PIK3R4: variants seen among roughly 807,000 people sequenced by gnomAD.
PIK3R4 encodes the protein phosphoinositide 3-kinase regulatory subunit 4.
In PIK3R4, 46 loss-of-function variants were observed where a neutral mutation model predicts 136.5. The ratio of observed to expected loss-of-function variants is 0.34; its 90% CI spans 0.27 to 0.43. The LOEUF (loss-of-function observed/expected upper bound fraction) is 0.43. PIK3R4 is among the 20% of genes least tolerant of loss of function. The probability of loss-of-function intolerance (pLI) is 1.00; values close to 1 mark genes in which losing one functional copy is unlikely to be tolerated. For synonymous variants in PIK3R4, 557 were observed against 566.7 expected, an observed-to-expected ratio of 0.98 and a Z score of 0.24; for missense variants, 1,331 against 1,649.5, an observed-to-expected ratio of 0.81 and a Z score of 3.35.
intron 13 of PIK3R4, among the ~76,000 whole-genome samples, chr3:130,699,274 G>C (rs546463693): frequency 6.6e-6 from 1 of 152,320 alleles, no homozygotes; most frequent in Admixed American, 6.5e-5. Context: ...TGCCCTGTGA[G>C]TAAGAGTTTT....
rs185048625 is a variant in PIK3R4 at position 130,738,666 on chromosome 3, A to G, written c.734-2664T>C. ...TAAGGCAGGGTAAGTACGGTATCTT[A>G]TATCAAAAAGTAAAGAAATGCTTAA... On this transcript the variant is annotated intron_variant, in intron 2 of 19. Transcript: ENST00000356763. Among the ~76,000 whole-genome samples, 8 of 151,926 alleles carry G rather than the reference A, an allele frequency of 5.3e-5. No individual in the cohort carries two copies. The East Asian group carries it at 1.4e-3, about 26-fold the overall frequency.
At chr3:130,739,177 C>T (rs541938952) in intron 2 of PIK3R4, among the ~76,000 whole-genome samples, 2 of 152,282 alleles carry the variant, frequency 1.3e-5, no homozygotes, top group East Asian at 1.9e-4. Context: ...CCCTGGTTCA[C>T]GCCATTCTCC....
At chr3:130,707,815 A>C (rs921415278) in intron 10 of PIK3R4, among the ~76,000 whole-genome samples, 7 of 152,210 alleles carry the variant, frequency 4.6e-5, no homozygotes, top group Non-Finnish European at 8.8e-5. Context: ...AGATCTCAAG[A>C]CTACAAATGG....
At chr3:130,704,254 G>A (rs1043967999) in intron 12 of PIK3R4, among the ~76,000 whole-genome samples, 4 of 152,058 alleles carry the variant, frequency 2.6e-5, no homozygotes, top group African/African-American at 4.8e-5. Context: ...AATAAAATAC[G>A]TTACTCTAAG....
At chr3:130,680,579 A>G in intron 19 of PIK3R4, 34 bp downstream of exon 19, 1 of 1,198,824 alleles carries the variant, frequency 8.3e-7, no homozygotes. Flanking sequence ...GTTTGTGCTT[A>G]CAAAAGGTGA....
intron 5 of PIK3R4, 112 bp downstream of exon 5, chr3:130,730,189 CTAATATA>C: frequency 2.7e-6 from 2 of 750,012 alleles, no homozygotes; most frequent in Non-Finnish European, 4.3e-6. Context: ...CTCTTCCTAT[CTAATATA>C]TAGATCTGGT....
intron 13 of PIK3R4, among the ~76,000 whole-genome samples, chr3:130,695,690 T>C (rs1358818680): frequency 1.3e-5 from 2 of 152,184 alleles, no homozygotes; most frequent in African/African-American, 4.8e-5. Context: ...AAATATATTA[T>C]TGTAACTGTT....
chr3:130,690,648 A>C lies in PIK3R4; in HGVS notation c.3105T>G (p.Ile1035Met). 2.5e-6 allele frequency: 4 copies of C among 1,585,300 alleles called. No homozygotes were observed. Among genetic ancestry groups the C allele is most frequent in the Non-Finnish European group, 3.4e-6 (4 of 1,161,728 alleles). Residue 1035 changes from isoleucine to methionine, a missense_variant, in exon 14 of 20, where the codon ATT (isoleucine) becomes ATG (methionine). Coordinates refer to ENST00000356763, the MANE Select transcript of PIK3R4 (RefSeq NM_014602.3). ...GTCCTCCAATTCGGCTGTATGTAAG[A>C]ATAGATCTGAATGAAAGAAAAATAA... ...MEGKTTTTRS[I>M]LTYSRIGGRV...
intron 13 of PIK3R4, among the ~76,000 whole-genome samples, chr3:130,695,025 T>C (rs940625482): frequency 6.6e-6 from 1 of 152,162 alleles, no homozygotes; most frequent in African/African-American, 2.4e-5. Flanking sequence ...TGAGAGTTTG[T>C]TGAGATGACC....
chr3:130,746,566 GC>G lies in PIK3R4; in HGVS notation c.-296del, dbSNP rs1241963176. 6.6e-6 allele frequency: 1 copy of G among 152,242 alleles called. No homozygotes were observed. Among genetic ancestry groups the G allele is most frequent in the Non-Finnish European group, 1.5e-5 (1 of 68,122 alleles). 9.4% of individuals were successfully genotyped at this position (152,242 alleles called of 1,614,324 possible). On this transcript the variant is annotated 5_prime_UTR_variant, in exon 1 of 20. Coordinates refer to ENST00000356763, the MANE Select transcript of PIK3R4 (RefSeq NM_014602.3). The stretch of plus-strand genomic sequence containing the variant: ...GGTCTCAGCAGAGAGAAGAAGCCAC[GC>G]TAAAGAGTCTCCACAAGTACCCCGG...
chr3:130,726,401 G>C (rs765777689), intron 6 of PIK3R4, among the ~76,000 whole-genome samples: 79 of 152,152 alleles, frequency 5.2e-4, no homozygotes, highest in Non-Finnish European at 1.1e-3. Context: ...CCAACAACCA[G>C]TAAGACAGGC....
intron 9 of PIK3R4, among the ~76,000 whole-genome samples, chr3:130,711,405 C>A (rs988312667): frequency 1.3e-5 from 2 of 152,176 alleles, no homozygotes; most frequent in African/African-American, 4.8e-5. Flanking sequence ...TCAAGAGACA[C>A]ATCAGAGTTC....
rs11713582 is a variant in PIK3R4, at chr3:130,707,417, A to C, written c.2534-282T>G. Among the ~76,000 whole-genome samples the C allele has an allele frequency of 0.2, 29,784 of 151,982 alleles. 3,113 individuals are homozygous for C. The highest frequency in any genetic ancestry group is 0.35 in the South Asian group (1,697 of 4,808). The stretch of plus-strand genomic sequence containing the variant: ...GCCAGCTCAATTTCAAGTAACCACT[A>C]TATCTAGTGAATAGTAAGAAAATAG... On this transcript the variant is annotated intron_variant, in intron 10 of 19. Transcript: ENST00000356763.
chr3:130,732,398 C>T (rs1274493302), intron 4 of PIK3R4, among the ~76,000 whole-genome samples: 7 of 151,964 alleles, frequency 4.6e-5, no homozygotes, highest in African/African-American at 1.7e-4. Flanking sequence ...AAAGTAGGAT[C>T]ATAAAATTCT....
intron 15 of PIK3R4, 122 bp from the exon 16 acceptor site, chr3:130,684,503 TAAAA>T (rs570202185): frequency 1.5e-5 from 13 of 861,190 alleles, no homozygotes; most frequent in Non-Finnish European, 2.1e-5. Flanking sequence ...CTTCGTTACT[TAAAA>T]AAAAGTTTTG....
In PIK3R4 at chr3:130,728,445, T is replaced by C; in HGVS notation, c.1807+18A>G. 1 of 1,540,242 alleles carries C rather than the reference T, an allele frequency of 6.5e-7. No individual in the cohort carries two copies. The highest frequency in any genetic ancestry group is 8.9e-7 in the Non-Finnish European group (1 of 1,126,914). On this transcript the variant is annotated intron_variant, in intron 6 of 19. Coordinates refer to ENST00000356763, the MANE Select transcript of PIK3R4 (RefSeq NM_014602.3). ...GATGATTAAAAATCTTAAAGGAATT[T>C]AAAAGCAAAAAACATACCAACTATA...
intron 15 of PIK3R4, 52 bp downstream of exon 15, chr3:130,686,159 G>C (rs976221604): frequency 9.5e-7 from 1 of 1,054,372 alleles, no homozygotes; most frequent in Admixed American, 1.7e-5. Flanking sequence ...GACAGCAATT[G>C]CAGGCATTAG....
chr3:130,708,224 G>A lies in PIK3R4; in HGVS notation c.2533+67C>T. 4.9e-6 allele frequency: 6 copies of A among 1,230,028 alleles called. No homozygotes were observed. In the East Asian group the frequency reaches 1.4e-4, roughly 29 times the overall value. 76.2% of individuals were successfully genotyped at this position (1,230,028 alleles called of 1,614,324 possible). ...GGGCTTTTTATTTTATTATTAATTA[G>A]CTAAAAAACAGTCTTATGAAATAAC... On this transcript the variant is annotated intron_variant, in intron 10 of 19. Coordinates refer to ENST00000356763, the MANE Select transcript of PIK3R4 (RefSeq NM_014602.3).
chr3:130,705,823 G>T, intron 11 of PIK3R4, 52 bp from the exon 12 acceptor site: 1 of 1,072,146 alleles, frequency 9.3e-7, no homozygotes, highest in South Asian at 1.3e-5. Context: ...AAGTATATTT[G>T]AAGACAGAAG....
Sources: gnomAD v4.1 joint callset for allele counts (sites outside exome capture counted in the v4.1 genomes callset) on GRCh38, gnomAD v4.1.1 for gene constraint, MANE v1.5 for transcripts, NCBI Gene and HGNC (gene_info 2026-07-23, HGNC 2026-07-21) for gene names.